GALNT14: variants seen among roughly 807,000 people sequenced by gnomAD.
The protein encoded by GALNT14 is polypeptide N-acetylgalactosaminyltransferase 14.
In GALNT14, 60 loss-of-function variants were observed where a neutral mutation model predicts 77.5. The observed-to-expected ratio is 0.77, with a 90% CI of 0.63 to 0.96. The LOEUF is 0.96. Among genes scored for constraint, GALNT14 ranks in the 40% least tolerant of loss-of-function variants. The pLI, the probability that GALNT14 is intolerant of heterozygous loss-of-function variation, is 0.00. For missense variants in GALNT14, 710 were observed against 731.0 expected, an observed-to-expected ratio of 0.97 and a Z score of 0.33; for synonymous variants, 280 against 281.7, an observed-to-expected ratio of 0.99 and a Z score of 0.06.
Position 30,995,936 on chromosome 2 carries a change from T to C in GALNT14, c.130-2929A>G, listed in dbSNP as rs570548566. Among the ~76,000 whole-genome samples, 3 of 152,328 alleles carry C rather than the reference T, an allele frequency of 2.0e-5. No homozygotes were observed. The East Asian group carries it at 5.8e-4, about 29-fold the overall frequency. ...GTGGTGCTGGAGATCCAGCAAGAGC[T>C]GATGTTTCCAGTGGAGTCTGAACGC... On this transcript the variant is annotated intron_variant, in intron 1 of 14. Transcript: ENST00000349752.
At chr2:31,043,830 A>G (rs1009758883) in intron 1 of GALNT14, among the ~76,000 whole-genome samples, 15 of 152,216 alleles carry the variant, frequency 9.9e-5, no homozygotes, top group African/African-American at 3.4e-4. Flanking sequence ...TGAAAATACA[A>G]TATGACAGCA....
chr2:31,035,733 T>G (rs1201800847), intron 1 of GALNT14, among the ~76,000 whole-genome samples: 1 of 151,412 alleles, frequency 6.6e-6, no homozygotes, highest in Non-Finnish European at 1.5e-5. Context: ...CCAGAGGCCA[T>G]TATCCTTAGC....
At chr2:31,018,258 A>G (rs973560070) in intron 1 of GALNT14, among the ~76,000 whole-genome samples, 2 of 152,246 alleles carry the variant, frequency 1.3e-5, no homozygotes, top group African/African-American at 4.8e-5. Context: ...ACTACCATAT[A>G]TCATTCACTC....
chr2:31,128,523 A>T (rs141429571), intron 1 of GALNT14, among the ~76,000 whole-genome samples: 159 of 152,360 alleles, frequency 1.0e-3, no homozygotes, highest in Admixed American at 2.5e-3. Context: ...ACATTCATCA[A>T]GAAAGGGACT....
At chr2:31,058,442 T>G (rs2148535231) in intron 1 of GALNT14, among the ~76,000 whole-genome samples, 1 of 152,148 alleles carries the variant, frequency 6.6e-6, no homozygotes, top group Admixed American at 6.5e-5. Context: ...CAGTTTATTC[T>G]TAGTAAACAC....
intron 1 of GALNT14, among the ~76,000 whole-genome samples, chr2:31,061,769 T>C (rs1447890127): frequency 6.6e-6 from 1 of 152,138 alleles, no homozygotes; most frequent in African/African-American, 2.4e-5. Flanking sequence ...CCCTGCCGAG[T>C]ATGTTCTTTC....
chr2:31,023,492 C>T (rs762573203), intron 1 of GALNT14, among the ~76,000 whole-genome samples: 9 of 152,142 alleles, frequency 5.9e-5, no homozygotes, highest in Non-Finnish European at 1.2e-4. Flanking sequence ...GCCCCAGAAC[C>T]CTCTTCAGCA....
intron 1 of GALNT14, among the ~76,000 whole-genome samples, chr2:31,015,445 C>T (rs1386042826): frequency 2.6e-5 from 4 of 152,006 alleles, no homozygotes; most frequent in Non-Finnish European, 4.4e-5. Context: ...AAAAAGGGTC[C>T]GGAAAATCTG....
intron 1 of GALNT14, among the ~76,000 whole-genome samples, chr2:31,075,829 G>A (rs1396246889): frequency 2.6e-5 from 4 of 152,194 alleles, no homozygotes; most frequent in Admixed American, 6.5e-5. Flanking sequence ...TGGGCTTTGC[G>A]ACTCTGGGAA....
chr2:31,022,968 C>G (rs1671815437), intron 1 of GALNT14, among the ~76,000 whole-genome samples: 1 of 152,158 alleles, frequency 6.6e-6, no homozygotes, highest in Non-Finnish European at 1.5e-5. Context: ...AGACCCCAAG[C>G]AAAGGGCCCA....
chr2:30,954,302 A>T (rs968052776), intron 6 of GALNT14, among the ~76,000 whole-genome samples: 1 of 152,126 alleles, frequency 6.6e-6, no homozygotes, highest in Non-Finnish European at 1.5e-5. Context: ...ACATTTCCCA[A>T]TCCAGACCTC....
At chr2:31,082,954 G>A (rs2365194) in intron 1 of GALNT14, among the ~76,000 whole-genome samples, 15,425 of 152,084 alleles carry the variant, frequency 0.1, 1,580 homozygotes, top group African/African-American at 0.26. Flanking sequence ...GGAGGCGGAG[G>A]TTGCAGTGAG....
intron 1 of GALNT14, among the ~76,000 whole-genome samples, chr2:31,119,291 A>G (rs1678265851): frequency 6.6e-6 from 1 of 152,238 alleles, no homozygotes; most frequent in Non-Finnish European, 1.5e-5. Flanking sequence ...CAAATTAATC[A>G]GAAAAAAATC....
chr2:31,101,624 T>C (rs893153409), intron 1 of GALNT14, among the ~76,000 whole-genome samples: 10 of 152,124 alleles, frequency 6.6e-5, no homozygotes, highest in Non-Finnish European at 1.5e-4. Flanking sequence ...TTCCTTTAGT[T>C]TCCTGTTTAT....
At chr2:31,059,220 T>C (rs1362647469) in intron 1 of GALNT14, among the ~76,000 whole-genome samples, 1 of 152,232 alleles carries the variant, frequency 6.6e-6, no homozygotes. Context: ...GTCTTGTGGC[T>C]CTACCCTCCT....
intron 1 of GALNT14, among the ~76,000 whole-genome samples, 184 bp downstream of exon 1, chr2:31,137,774 G>A (rs1679294216): frequency 1.3e-5 from 2 of 152,158 alleles, no homozygotes; most frequent in Admixed American, 1.3e-4. Context: ...CCGCGGGTCC[G>A]GAGATGCCCC....
At chr2:31,108,405 G>A (rs148194891) in intron 1 of GALNT14, among the ~76,000 whole-genome samples, 16 of 152,328 alleles carry the variant, frequency 1.1e-4, no homozygotes, top group East Asian at 7.7e-4. Flanking sequence ...GGCTGGACAC[G>A]TCACCCGCTC....
chr2:30,941,572 G>T (rs1666377802), intron 9 of GALNT14, among the ~76,000 whole-genome samples: 1 of 152,114 alleles, frequency 6.6e-6, no homozygotes, highest in South Asian at 2.1e-4. Flanking sequence ...TTCTCCTGTG[G>T]CTGCAAGCCT....
At chr2:31,125,080 C>G (rs1330952363) in intron 1 of GALNT14, 1 of 1,069,360 alleles carries the variant, frequency 9.4e-7, no homozygotes, top group African/African-American at 1.6e-5. Context: ...TCATCCTACC[C>G]ACAGTACCCA....
Sources: gnomAD v4.1 joint callset for allele counts (sites outside exome capture counted in the v4.1 genomes callset) on GRCh38, gnomAD v4.1.1 for gene constraint, MANE v1.5 for transcripts, NCBI Gene and HGNC (gene_info 2026-07-23, HGNC 2026-07-21) for gene names.